Variants in RBMS3 observed in about 807,000 individuals in gnomAD.
RBMS3 encodes the protein RNA-binding motif, single-stranded-interacting protein 3.
In RBMS3, 27 loss-of-function variants were observed where a neutral mutation model predicts 66.8. The observed-to-expected ratio is 0.40, with a 90% CI of 0.30 to 0.56. RBMS3 has a LOEUF of 0.56. RBMS3 is among the 20% of genes least tolerant of loss of function. RBMS3 has a pLI of 0.40. For synonymous variants in RBMS3, 188 were observed against 183.0 expected (o/e 1.03, Z -0.22); for missense variants, 513 against 549.5 (o/e 0.93, Z 0.66).
intron 10 of RBMS3, among the ~76,000 whole-genome samples, chr3:29,905,210 A>T (rs13075417): frequency 0.21 from 32,553 of 151,908 alleles, 3,998 homozygotes; most frequent in Non-Finnish European, 0.28. Context: ...TTCCAATAAA[A>T]CTATATTTAC....
At chr3:29,747,200 G>A (rs891734159) in intron 5 of RBMS3, among the ~76,000 whole-genome samples, 2 of 152,144 alleles carry the variant, frequency 1.3e-5, no homozygotes, top group African/African-American at 4.8e-5. Flanking sequence ...AGCTTTCTGT[G>A]AATTGGGCCA....
chr3:29,800,518 T>C (rs916760990), intron 6 of RBMS3, among the ~76,000 whole-genome samples: 1 of 152,202 alleles, frequency 6.6e-6, no homozygotes, highest in Non-Finnish European at 1.5e-5. Flanking sequence ...ATTTGACAAT[T>C]GTCACTATTG....
At chr3:29,552,066 C>T (rs1417892066) in intron 3 of RBMS3, among the ~76,000 whole-genome samples, 2 of 151,872 alleles carry the variant, frequency 1.3e-5, no homozygotes, top group African/African-American at 4.8e-5. Flanking sequence ...AAATTTGAAT[C>T]AGGAGTATAT....
chr3:29,901,850 A>G (rs2060260990), intron 10 of RBMS3, among the ~76,000 whole-genome samples: 1 of 151,830 alleles, frequency 6.6e-6, no homozygotes, highest in Non-Finnish European at 1.5e-5. Flanking sequence ...TTTTAGATGG[A>G]GAAAAGGGCA....
chr3:29,783,385 G>A (rs2056707907), intron 6 of RBMS3, among the ~76,000 whole-genome samples: 1 of 152,130 alleles, frequency 6.6e-6, no homozygotes, highest in Admixed American at 6.5e-5. Context: ...AGGGATTGGG[G>A]TCCTATTTTT....
intron 1 of RBMS3, among the ~76,000 whole-genome samples, chr3:29,297,650 A>G (rs186162539): frequency 2.6e-5 from 4 of 152,014 alleles, no homozygotes; most frequent in Admixed American, 2.6e-4. Context: ...AACTCACCAT[A>G]TAGTCTGAGA....
intron 1 of RBMS3, among the ~76,000 whole-genome samples, chr3:29,384,131 C>G (rs1303463854): frequency 6.6e-6 from 1 of 151,930 alleles, no homozygotes; most frequent in African/African-American, 2.4e-5. Flanking sequence ...GCTGGGGCAA[C>G]ATGGTGAAAC....
In RBMS3 at chr3:29,651,157, G is replaced by A. The variant is rs144133654; in HGVS notation, c.399+63952G>A. 2.3e-3 allele frequency among the ~76,000 whole-genome samples: 351 copies of A among 152,274 alleles called. 5 individuals are homozygous for A. The South Asian group carries it at 0.03, about 13-fold the overall frequency. On this transcript the variant is annotated intron_variant, in intron 4 of 14. Transcript: ENST00000383767. ...CAGATCAACAACAAATGCTTTCCCTGCTACAGAGGCTACTGATTTCAGGAC... is the reference window on the plus strand; with the variant it reads ...CAGATCAACAACAAATGCTTTCCCTACTACAGAGGCTACTGATTTCAGGAC...
intron 4 of RBMS3, among the ~76,000 whole-genome samples, chr3:29,659,198 T>A (rs1312407040): frequency 2.6e-5 from 4 of 152,210 alleles, no homozygotes; most frequent in Admixed American, 2.6e-4. Flanking sequence ...ACAGAGATTT[T>A]TTTTCCAATT....
chr3:29,363,758 C>G (rs1194926510), intron 1 of RBMS3, among the ~76,000 whole-genome samples: 1 of 149,580 alleles, frequency 6.7e-6, no homozygotes, highest in Non-Finnish European at 1.5e-5. Context: ...CCACTGCCCT[C>G]TAGCATGGGT....
At chr3:29,290,887 G>A (rs955277826) in intron 1 of RBMS3, among the ~76,000 whole-genome samples, 2 of 151,778 alleles carry the variant, frequency 1.3e-5, no homozygotes, top group African/African-American at 4.8e-5. Context: ...ACATATTAAA[G>A]TGCACTAACA....
chr3:29,532,155 A>G (rs769710130), intron 3 of RBMS3, among the ~76,000 whole-genome samples: 16 of 149,596 alleles, frequency 1.1e-4, no homozygotes, highest in Middle Eastern at 3.2e-3. Context: ...TCTATCTTTC[A>G]CTTATCTGCA....
At chr3:29,395,083 G>T (rs1458877833) in intron 1 of RBMS3, among the ~76,000 whole-genome samples, 1 of 152,160 alleles carries the variant, frequency 6.6e-6, no homozygotes, top group South Asian at 2.1e-4. Context: ...GGGTTGGGGG[G>T]GTTAATCTGT....
At chr3:29,737,895 A>AGG (rs1491474904) in intron 4 of RBMS3, among the ~76,000 whole-genome samples, 58 of 33,372 alleles carry the variant, frequency 1.7e-3, no homozygotes, top group African/African-American at 0.014. Context: ...TGACAGAGAA[A>AGG]GAGAGGGAGA....
chr3:29,782,075 G>T (rs910918792), intron 6 of RBMS3, among the ~76,000 whole-genome samples: 2 of 152,032 alleles, frequency 1.3e-5, no homozygotes, highest in Non-Finnish European at 2.9e-5. Flanking sequence ...GAAGACAAAG[G>T]TCATAATCTC....
chr3:29,388,107 ACAC>A (rs1223023327), intron 1 of RBMS3, among the ~76,000 whole-genome samples: 5 of 145,686 alleles, frequency 3.4e-5, no homozygotes, highest in Admixed American at 2.1e-4. Flanking sequence ...ACACACACAC[ACAC>A]ATGTGTGTGT....
chr3:29,754,688 C>G (rs1021486971), intron 5 of RBMS3, among the ~76,000 whole-genome samples: 18 of 152,142 alleles, frequency 1.2e-4, no homozygotes, highest in Non-Finnish European at 2.2e-4. Context: ...CACCCAGGAG[C>G]CTAGATTCAT....
At chr3:29,625,344 A>G (rs146320858) in intron 4 of RBMS3, among the ~76,000 whole-genome samples, 1 of 152,272 alleles carries the variant, frequency 6.6e-6, no homozygotes, top group African/African-American at 2.4e-5. Context: ...ACATAGAACC[A>G]ACTTAGAACA....
Position 30,007,491 on chromosome 3 carries a change from G to C in RBMS3, c.*3629G>C, listed in dbSNP as rs144973582. ...ATCCAAATGAGAGAAACACTGTCTC[G>C]TCTAAACTCTAGTTTCATGGTCAGT... On this transcript the variant is annotated 3_prime_UTR_variant, in exon 15 of 15. Transcript: ENST00000383767. The C allele has an allele frequency of 1.2e-4, 19 of 152,088 alleles. No homozygotes were observed. Among genetic ancestry groups the C allele is most frequent in the South Asian group, 2.1e-4 (1 of 4,822 alleles). The allele number at this position is 152,088 out of a possible 1,614,324, so 9.4% of individuals were successfully genotyped here.
Sources: gnomAD v4.1 joint callset for allele counts (sites outside exome capture counted in the v4.1 genomes callset) on GRCh38, gnomAD v4.1.1 for gene constraint, MANE v1.5 for transcripts, NCBI Gene and HGNC (gene_info 2026-07-23, HGNC 2026-07-21) for gene names.